Variants in CARMIL3 observed in about 807,000 individuals in gnomAD.
CARMIL3 encodes the protein capping protein, Arp2/3 and myosin-I linker protein 3.
A neutral mutation model predicts 180.8 loss-of-function variants in CARMIL3; 88 were observed. That is an observed-to-expected ratio of 0.49 (90% CI 0.41 to 0.58). CARMIL3 has a LOEUF of 0.58. Among genes scored for constraint, CARMIL3 ranks in the 20% least tolerant of loss-of-function variants. The pLI, the probability that CARMIL3 is intolerant of heterozygous loss-of-function variation, is 0.00. For synonymous variants in CARMIL3, 696 were observed against 714.5 expected (o/e 0.97, Z 0.41); for missense variants, 1,548 against 1,787.0 (o/e 0.87, Z 2.41).
chr14:24,056,759 G>A, intron 12 of CARMIL3, 51 bp downstream of exon 12: 1 of 1,583,636 alleles, frequency 6.3e-7, no homozygotes, highest in African/African-American at 1.3e-5. Context: ...GTGCTGCCTG[G>A]GGTGTTGAGC....
intron 11 of CARMIL3, 76 bp from the exon 12 acceptor site, chr14:24,056,546 C>G: frequency 6.6e-7 from 1 of 1,523,658 alleles, no homozygotes; most frequent in Non-Finnish European, 9.1e-7. Flanking sequence ...CCTACTCGAG[C>G]CCCCAACCTG....
rs767795297 is a variant in CARMIL3 at position 24,056,904 on chromosome 14, G to A, written c.953-11G>A. On this transcript the variant is annotated splice_polypyrimidine_tract_variant and intron_variant, in intron 12 of 39. Transcript: ENST00000342740. ...TAGGGGCCAACCCAGCCCAGTGCCC[G>A]CTGTGCTCAGGGCTCCAGGCACTCG... 5.0e-6 allele frequency: 8 copies of A among 1,612,640 alleles called. No homozygotes were observed. The highest frequency in any genetic ancestry group is 1.1e-5 in the South Asian group (1 of 91,040).
In CARMIL3 at chr14:24,058,202, A is replaced by T; in HGVS notation, c.1370A>T (p.His457Leu). 6.2e-7 allele frequency: 1 copy of T among 1,613,608 alleles called. No individual in the cohort carries two copies. The highest frequency in any genetic ancestry group is 8.5e-7 in the Non-Finnish European group (1 of 1,179,960). Residue 457 changes from histidine (H) to leucine (L), a missense_variant, in exon 17 of 40, where the codon CAC (histidine) becomes CTC (leucine). This residue lies in a region of CARMIL3 where 578 missense variants were observed against 666.5 expected (regional missense o/e 0.87). Coordinates refer to ENST00000342740, the MANE Select transcript of CARMIL3 (RefSeq NM_138360.4). The surrounding 1 kb of genome is among the most constrained non-coding windows in gnomAD (Gnocchi z 6.4). ...LSLNSHLSDL[H>L]LDLSSCELRS... Reference sequence around the variant, plus strand: ...CTCAACAGTCACCTCAGTGACCTGCACCTGGATCTCAGCAGCTGCGAGGTG... The same window carrying T: ...CTCAACAGTCACCTCAGTGACCTGCTCCTGGATCTCAGCAGCTGCGAGGTG...
chr14:24,064,143 C>A, intron 31 of CARMIL3, 103 bp from the exon 32 acceptor site: 12 of 655,760 alleles, frequency 1.8e-5, no homozygotes, highest in East Asian at 3.4e-5. Context: ...CTGAAGTCTA[C>A]ATTTCCATAA....
At position 24,052,085 on chromosome 14, in the gene CARMIL3, T is replaced by A; in HGVS notation, c.-69T>A. ...GCCCGGGCCCTGCTGAAGCCGGGTC[T>A]AGCATGTGCCGCGGCTCCCCGGCGG... On this transcript the variant is annotated 5_prime_UTR_variant, in exon 1 of 40. Transcript: ENST00000342740. The A allele has an allele frequency of 6.7e-7, 1 of 1,486,572 alleles. No individual in the cohort carries two copies. Among genetic ancestry groups the A allele is most frequent in the African/African-American group, 1.4e-5 (1 of 69,346 alleles). The allele number at this position is 1,486,572 out of a possible 1,614,324, so 92.1% of individuals were successfully genotyped here.
At position 24,065,042 on chromosome 14, in the gene CARMIL3, G is replaced by C; in HGVS notation, c.3165G>C (p.Leu1055=). 1 of 1,609,250 alleles carries C rather than the reference G, an allele frequency of 6.2e-7. No homozygotes were observed. The highest frequency in any genetic ancestry group is 8.5e-7 in the Non-Finnish European group (1 of 1,178,646). ...TCCAGAAGAAGAGGCGCCGGGGCCT[G>C]TTTCACTTTCGCCGGCCCCGGAGCT... is the stretch of plus-strand genomic sequence containing the variant. ...PPLQKKRRRG[L]FHFRRPRSFK... is the part of the protein sequence containing the mutation. The change falls in exon 33 of 40, where the codon CTG becomes CTC. Residue 1055 remains leucine, a synonymous_variant. Coordinates refer to ENST00000342740, the MANE Select transcript of CARMIL3 (RefSeq NM_138360.4).
intron 13 of CARMIL3, 25 bp downstream of exon 13, chr14:24,057,049 C>T (rs1464237684): frequency 1.2e-6 from 2 of 1,607,122 alleles, no homozygotes; most frequent in South Asian, 1.1e-5. Context: ...CAGCCTCAGC[C>T]CCCTGCAGAA....
chr14:24,069,568 G>A lies in CARMIL3; in HGVS notation c.*164G>A. ...GGAGGCAGGGACTAGAACAGAGGGA[G>A]CCACCTGGAGAGACGGAGGCTGTCA... On this transcript the variant is annotated 3_prime_UTR_variant, in exon 40 of 40. Coordinates refer to ENST00000342740, the MANE Select transcript of CARMIL3 (RefSeq NM_138360.4). 6 of 806,116 alleles carry A rather than the reference G, an allele frequency of 7.4e-6. No homozygotes were observed. Among genetic ancestry groups the A allele is most frequent in the Non-Finnish European group, 1.2e-5 (6 of 517,878 alleles). 49.9% of individuals were successfully genotyped at this position (806,116 alleles called of 1,614,324 possible).
intron 24 of CARMIL3, 101 bp downstream of exon 24, chr14:24,060,356 G>C: frequency 7.7e-7 from 1 of 1,296,266 alleles, no homozygotes; most frequent in Non-Finnish European, 1.1e-6. Flanking sequence ...GGCACTGCAT[G>C]GTGCCTATCA....
chr14:24,055,665 T>A, intron 9 of CARMIL3, 36 bp from the exon 10 acceptor site: 1 of 1,613,672 alleles, frequency 6.2e-7, no homozygotes, highest in African/African-American at 1.3e-5. Flanking sequence ...AGTGCCCCCC[T>A]TGGCCCCTGA....
chr14:24,068,217 T>C (rs982466747), intron 36 of CARMIL3, among the ~76,000 whole-genome samples: 2 of 152,048 alleles, frequency 1.3e-5, no homozygotes, highest in African/African-American at 4.8e-5. Flanking sequence ...GCCAACACGG[T>C]GAAACCCTGT....
chr14:24,058,642 C>A lies in CARMIL3; in HGVS notation c.1393-38C>A, dbSNP rs747645603. On this transcript the variant is annotated intron_variant, in intron 17 of 39. Transcript: ENST00000342740. The surrounding 1 kb of genome is among the most constrained non-coding windows in gnomAD (Gnocchi z 6.4). Reference sequence around the variant, plus strand: ...GCATTAAAGGTGCCCTACCCCCACCCCAACCCCTGCCTTCCCTACCTCACC... The same window carrying A: ...GCATTAAAGGTGCCCTACCCCCACCACAACCCCTGCCTTCCCTACCTCACC... 5 of 1,598,846 alleles carry A rather than the reference C, an allele frequency of 3.1e-6. No individual in the cohort carries two copies. In the South Asian group the frequency reaches 5.5e-5, roughly 18 times the overall value.
At chr14:24,062,618 C>T (rs1461406388) in intron 28 of CARMIL3, 51 bp downstream of exon 28, 1 of 1,613,424 alleles carries the variant, frequency 6.2e-7, no homozygotes. Flanking sequence ...CTCCACCCCA[C>T]ATTATCCTGT....
In CARMIL3 at chr14:24,068,866, G is replaced by A. The variant is rs1330853127; in HGVS notation, c.3882G>A (p.Gly1294=). ...GCCGCCAGCCTCCCCAGGAGCCAGG[G>A]GTCAGGGAGGAGGCTGAGGCTGGAG... ...PRGRQPPQEP[G]VREEAEAGDA... is the part of the protein sequence containing the mutation. Residue 1294 remains glycine (G), a synonymous_variant, in exon 38 of 40, where the codon GGG becomes GGA. Transcript: ENST00000342740. The A allele has an allele frequency of 1.2e-6, 2 of 1,612,732 alleles. No homozygotes were observed. The highest frequency in any genetic ancestry group is 1.3e-5 in the African/African-American group (1 of 75,040).
Position 24,054,616 on chromosome 14 carries a change from C to CA in CARMIL3, c.363-94dup, listed in dbSNP as rs2035653720. ...CTGAGAAGGAGAGCTCTCATGTCCC[C>CA]ACTCCTGGTTTTTCCTGGGATGCAG... is the stretch of plus-strand genomic sequence containing the variant. On this transcript the variant is annotated intron_variant, in intron 5 of 39. Coordinates refer to ENST00000342740, the MANE Select transcript of CARMIL3 (RefSeq NM_138360.4). This position sits in a 1 kb window ranked among gnomAD's most constrained non-coding sequence, Gnocchi z 5.1. The CA allele has an allele frequency of 2.7e-6, 4 of 1,494,958 alleles. No individual in the cohort carries two copies. In the East Asian group the frequency reaches 9.3e-5, roughly 35 times the overall value. 92.6% of individuals were successfully genotyped at this position (1,494,958 alleles called of 1,614,324 possible).
chr14:24,066,342 G>A lies in CARMIL3; in HGVS notation c.3526-56G>A, dbSNP rs190830797. ...ATGCTAGAGCAGAAGCCCTTTGTCA[G>A]CTGCAGTCCTGCCACAGAGGAGACT... On this transcript the variant is annotated intron_variant, in intron 34 of 39. Coordinates refer to ENST00000342740, the MANE Select transcript of CARMIL3 (RefSeq NM_138360.4). The A allele has an allele frequency of 5.9e-5, 93 of 1,583,506 alleles. No homozygotes were observed. In the African/African-American group the frequency reaches 1.1e-3, roughly 18 times the overall value.
chr14:24,069,605 G>C lies in CARMIL3; in HGVS notation c.*201G>C. On this transcript the variant is annotated 3_prime_UTR_variant, in exon 40 of 40. Coordinates refer to ENST00000342740, the MANE Select transcript of CARMIL3 (RefSeq NM_138360.4). The stretch of plus-strand genomic sequence containing the variant: ...GACGGAGGCTGTCAGTGCCTGCCTC[G>C]ATACCTCTCTCTGCAGAGAGCTTCT... The C allele has an allele frequency of 1.6e-6, 1 of 623,626 alleles. No individual in the cohort carries two copies. The highest frequency in any genetic ancestry group is 1.8e-5 in the African/African-American group (1 of 54,320). The allele number at this position is 623,626 out of a possible 1,614,324, so 38.6% of individuals were successfully genotyped here. A position where few individuals can be genotyped will look rare whatever the true frequency, so the allele number is the denominator to read the frequency against.
intron 34 of CARMIL3, 77 bp from the exon 35 acceptor site, chr14:24,066,321 T>C: frequency 6.6e-7 from 1 of 1,520,744 alleles, no homozygotes; most frequent in Non-Finnish European, 9.0e-7. Context: ...ATGGAGATGC[T>C]AGAGCAGAAG....
At position 24,063,526 on chromosome 14, in the gene CARMIL3, G is replaced by C; in HGVS notation, c.2972G>C (p.Arg991Pro). 1 of 1,609,572 alleles carries C rather than the reference G, an allele frequency of 6.2e-7. No homozygotes were observed. Among genetic ancestry groups the C allele is most frequent in the Non-Finnish European group, 8.5e-7 (1 of 1,178,776 alleles). The change falls in exon 31 of 40, where the codon CGA becomes CCA. Residue 991 changes from arginine to proline, a missense_variant. Physicochemically the swap from Arg to Pro is moderately radical, Grantham distance 103. Around this residue, in one of 4 missense-constraint regions of CARMIL3, gnomAD observed 668 missense variants for 687.8 expected, o/e 0.97. Coordinates refer to ENST00000342740, the MANE Select transcript of CARMIL3 (RefSeq NM_138360.4). ...AGGACCACACCTCCAGGACCTGGTC[G>C]ACCCAGTGTGAGTCCCTAAGGCTTC... ...PPRTTPPGPG[R>P]PSMPAPGTRQ... is the part of the protein sequence containing the mutation.
Sources: gnomAD v4.1 joint callset for allele counts (sites outside exome capture counted in the v4.1 genomes callset) on GRCh38, gnomAD v4.1.1 for gene constraint, gnomAD v4.1.1 regional missense constraint, Gnocchi (gnomAD v3.1) non-coding constraint, MANE v1.5 for transcripts, NCBI Gene and HGNC (gene_info 2026-07-23, HGNC 2026-07-21) for gene names.